ENTPD7: variants seen among roughly 807,000 people sequenced by gnomAD.
ENTPD7 encodes the protein NTPDase 7.
Under a neutral mutation model 77.9 loss-of-function variants are expected in ENTPD7, and 53 were observed. That is an observed-to-expected ratio of 0.68 (90% CI 0.55 to 0.85). The LOEUF is 0.85. Among genes scored for constraint, ENTPD7 ranks in the 40% least tolerant of loss-of-function variants. The pLI, the probability that ENTPD7 is intolerant of heterozygous loss-of-function variation, is 0.00. For missense variants in ENTPD7, 636 were observed against 743.7 expected (o/e 0.86, Z 1.68); for synonymous variants, 248 against 274.9 (o/e 0.90, Z 0.97).
rs184592729 is a variant in ENTPD7, at chr10:99,711,030, C to T, written c.*6347C>T. The T allele has an allele frequency of 1.0e-6, 1 of 985,094 alleles. No individual in the cohort carries two copies. The highest frequency in any genetic ancestry group is 1.1e-4 in the East Asian group (1 of 8,810). 61.0% of individuals were successfully genotyped at this position (985,094 alleles called of 1,614,324 possible). A position where few individuals can be genotyped will look rare whatever the true frequency, so the allele number is the denominator to read the frequency against. On this transcript the variant is annotated 3_prime_UTR_variant, in exon 13 of 13. Coordinates refer to ENST00000370489, the MANE Select transcript of ENTPD7 (RefSeq NM_020354.5). ...TTTGGAACATCAATCTGTAATTATC[C>T]ATTTTCCATTCATGCATTCACTAAT...
At chr10:99,660,621 C>A (rs910427506) in intron 2 of ENTPD7, 6 of 227,348 alleles carry the variant, frequency 2.6e-5, no homozygotes, top group Non-Finnish European at 5.5e-5. Flanking sequence ...CGTAGAATAT[C>A]CCTGGAAAGA....
Position 99,688,737 on chromosome 10 carries a change from C to G in ENTPD7, c.696C>G (p.Phe232Leu). 1 of 1,613,838 alleles carries G rather than the reference C, an allele frequency of 6.2e-7. No homozygotes were observed. The highest frequency in any genetic ancestry group is 8.5e-7 in the Non-Finnish European group (1 of 1,179,862). ...GAATCAACTTTGTTTTGGGAAGATT[C>G]GACCACGAGGATGGTGAGTAATATT... Reference protein sequence around the residue: ...WIGINFVLGRFDHEDESDAEA... With the variant: ...WIGINFVLGRLDHEDESDAEA... The change falls in exon 7 of 13, where the codon TTC (phenylalanine) becomes TTG (leucine). Residue 232 changes from phenylalanine (F) to leucine (L), a missense_variant. Phe to Leu is a conservative substitution (Grantham distance 22, BLOSUM62 0). Around this residue, in one of 3 missense-constraint regions of ENTPD7, gnomAD observed 486 missense variants for 556.5 expected, o/e 0.87. Transcript: ENST00000370489.
chr10:99,665,689 CTT>C (rs1271200870), intron 3 of ENTPD7, among the ~76,000 whole-genome samples: 1 of 146,022 alleles, frequency 6.8e-6, no homozygotes, highest in Non-Finnish European at 1.5e-5. Flanking sequence ...GCTTGCTTTT[CTT>C]TTTTTTTTTT....
At position 99,710,692 on chromosome 10, in the gene ENTPD7, C is replaced by T. The variant is rs1221558840; in HGVS notation, c.*6009C>T. 2 of 985,242 alleles carry T rather than the reference C, an allele frequency of 2.0e-6. No individual in the cohort carries two copies. Among genetic ancestry groups the T allele is most frequent in the Admixed American group, 6.1e-5 (1 of 16,264 alleles). The allele number at this position is 985,242 out of a possible 1,614,324, so 61.0% of individuals were successfully genotyped here. On this transcript the variant is annotated 3_prime_UTR_variant, in exon 13 of 13. Transcript: ENST00000370489. Reference sequence around the variant, plus strand: ...TTACATATGCTGATATATAACCCACCATTCATCCCAGGACCACAAGGGTAG... The same window carrying T: ...TTACATATGCTGATATATAACCCACTATTCATCCCAGGACCACAAGGGTAG...
chr10:99,709,342 T>A lies in ENTPD7; in HGVS notation c.*4659T>A. ...CTGTGGTATGTGGTGTAATGTTGAT[T>A]GGGAATAAGAATTATGGTAGAAATA... On this transcript the variant is annotated 3_prime_UTR_variant, in exon 13 of 13. Transcript: ENST00000370489. The A allele has an allele frequency of 1.0e-6, 1 of 985,402 alleles. No homozygotes were observed. Among genetic ancestry groups the A allele is most frequent in the Non-Finnish European group, 1.2e-6 (1 of 829,914 alleles). 61.0% of individuals were successfully genotyped at this position (985,402 alleles called of 1,614,324 possible). A position where few individuals can be genotyped will look rare whatever the true frequency, so the allele number is the denominator to read the frequency against.
rs539322028 is a variant in ENTPD7 at position 99,704,378 on chromosome 10, C to T, written c.1584-74C>T. ...AATAAATGTGATAACACTACTGGGC[C>T]TTTCAAATCAGTAAATGTCTCCCTT... On this transcript the variant is annotated intron_variant, in intron 12 of 12. Transcript: ENST00000370489. 4.5e-4 allele frequency: 652 copies of T among 1,446,520 alleles called. 5 individuals carry two copies. Among genetic ancestry groups the T allele is most frequent in the Non-Finnish European group, 1.8e-4 (181 of 1,032,856 alleles). The allele number at this position is 1,446,520 out of a possible 1,614,324, so 89.6% of individuals were successfully genotyped here. A position where few individuals can be genotyped will look rare whatever the true frequency, so the allele number is the denominator to read the frequency against.
At chr10:99,689,269 G>A (rs1240302209) in intron 7 of ENTPD7, among the ~76,000 whole-genome samples, 6 of 152,134 alleles carry the variant, frequency 3.9e-5, no homozygotes, top group Non-Finnish European at 1.5e-5. Flanking sequence ...TCTCAAGAAT[G>A]TTTATTCGTA....
chr10:99,672,307 CT>C (rs35775014), intron 3 of ENTPD7, among the ~76,000 whole-genome samples: 221 of 138,620 alleles, frequency 1.6e-3, no homozygotes, highest in Non-Finnish European at 1.6e-3. Flanking sequence ...GTTACTTGAT[CT>C]TTTTTTTTTT....
intron 3 of ENTPD7, among the ~76,000 whole-genome samples, chr10:99,668,226 T>G (rs7913939): frequency 3.3e-5 from 5 of 152,030 alleles, no homozygotes; most frequent in Non-Finnish European, 7.4e-5. Context: ...TGAGCCACCA[T>G]GCCTGGCCAT....
rs780786120 is a variant in ENTPD7 at position 99,704,609 on chromosome 10, C to T, written c.1741C>T (p.Arg581Ter). ...RLRRIHHRQTRASAPLDLLWL... is the reference protein window; with the variant it reads ...RLRRIHHRQT ...ACGCCGAATTCACCACCGACAAACA[C>T]GAGCCTCAGCTCCATTGGACTTGCT... is the stretch of plus-strand genomic sequence containing the variant. The change falls in exon 13 of 13, where the codon CGA (arginine) becomes TGA (stop). Residue 581 changes from arginine (R) to a stop codon, truncating the protein, a stop_gained. Transcript: ENST00000370489. LOFTEE classifies it high-confidence loss of function. 10 of 1,614,056 alleles carry T rather than the reference C, an allele frequency of 6.2e-6. No homozygotes were observed. The highest frequency in any genetic ancestry group is 2.2e-5 in the East Asian group (1 of 44,884).
intron 2 of ENTPD7, chr10:99,660,408 A>G: frequency 2.1e-5 from 24 of 1,132,820 alleles, no homozygotes; most frequent in Non-Finnish European, 2.6e-5. Flanking sequence ...GCTTTTAAAA[A>G]ATATTAATGT....
intron 6 of ENTPD7, among the ~76,000 whole-genome samples, chr10:99,687,585 C>G (rs557987040): frequency 1.2e-4 from 18 of 152,196 alleles, no homozygotes; most frequent in South Asian, 6.2e-4. Context: ...TTTTTCAAAG[C>G]CTTGGCCACT....
At chr10:99,685,694 G>A in intron 5 of ENTPD7, 98 bp from the exon 6 acceptor site, 1 of 790,002 alleles carries the variant, frequency 1.3e-6, no homozygotes, top group Non-Finnish European at 2.1e-6. Context: ...TAGGTGAACA[G>A]TGAGGTCATG....
chr10:99,688,860 C>T (rs972539445), intron 7 of ENTPD7, 110 bp downstream of exon 7: 3 of 985,938 alleles, frequency 3.0e-6, no homozygotes, highest in Non-Finnish European at 4.7e-6. Flanking sequence ...TTTTTTCAAA[C>T]ATAAGATGCT....
intron 8 of ENTPD7, among the ~76,000 whole-genome samples, chr10:99,692,955 G>A (rs558864777): frequency 6.6e-5 from 10 of 152,214 alleles, no homozygotes; most frequent in Admixed American, 2.6e-4. Context: ...TATAGGTCAC[G>A]GAACCTTGAG....
chr10:99,695,885 T>C, intron 8 of ENTPD7, 71 bp from the exon 9 acceptor site: 2 of 1,436,872 alleles, frequency 1.4e-6, no homozygotes, highest in African/African-American at 2.9e-5. Context: ...CCTCGTGTAT[T>C]AGCAATGTCA....
intron 2 of ENTPD7, 49 bp downstream of exon 2, chr10:99,660,013 A>C (rs971733610): frequency 6.2e-7 from 1 of 1,613,482 alleles, no homozygotes; most frequent in African/African-American, 1.3e-5. Flanking sequence ...AGAGGATGGC[A>C]GGCAGGTTGG....
intron 3 of ENTPD7, among the ~76,000 whole-genome samples, chr10:99,678,082 T>G (rs2035707100): frequency 6.6e-6 from 1 of 152,144 alleles, no homozygotes; most frequent in Non-Finnish European, 1.5e-5. Flanking sequence ...AAATATAATT[T>G]ATTTTTTAAA....
intron 3 of ENTPD7, among the ~76,000 whole-genome samples, chr10:99,667,578 G>A (rs1021107286): frequency 4.6e-5 from 7 of 152,356 alleles, no homozygotes; most frequent in Admixed American, 3.9e-4. Context: ...CTAAGTTCAT[G>A]TGCTAAAAGC....
Sources: gnomAD v4.1 joint callset for allele counts (sites outside exome capture counted in the v4.1 genomes callset) on GRCh38, gnomAD v4.1.1 for gene constraint, gnomAD v4.1.1 regional missense constraint, MANE v1.5 for transcripts, NCBI Gene and HGNC (gene_info 2026-07-23, HGNC 2026-07-21) for gene names.